The following TAL1 variants were observed in gnomAD, a reference collection of about 807,000 sequenced individuals.
TAL1 encodes TAL bHLH transcription factor 1, erythroid differentiation factor, also known as T-cell acute lymphocytic leukemia protein 1.
TAL1 carries 8 observed loss-of-function variants against 17.9 expected under a neutral mutation model. That is an observed-to-expected ratio of 0.45 (90% CI 0.26 to 0.81). The LOEUF (loss-of-function observed/expected upper bound fraction) is 0.81, where lower values mean the gene tolerates loss of function less well. TAL1 is among the 30% of genes least tolerant of loss of function. The pLI is 0.17. For synonymous variants in TAL1, 223 were observed against 218.6 expected, an observed-to-expected ratio of 1.02 and a Z score of -0.18; for missense variants, 466 against 486.9, an observed-to-expected ratio of 0.96 and a Z score of 0.40.
upstream of TAL1, among the ~76,000 whole-genome samples, chr1:47,231,422 T>G (rs1333868322): frequency 1.3e-5 from 2 of 148,622 alleles, no homozygotes; most frequent in East Asian, 4.0e-4. Context: ...TACAACTCAG[T>G]GCGGACAGGA....
At chr1:47,231,471 A>C (rs188078900), upstream of TAL1, among the ~76,000 whole-genome samples, 2 of 151,790 alleles carry the variant, frequency 1.3e-5, no homozygotes, top group Admixed American at 6.6e-5. Context: ...CAGCAAACAA[A>C]CACCACCTAG....
upstream of TAL1, chr1:47,231,204 C>A: frequency 5.5e-6 from 1 of 180,934 alleles, no homozygotes. Flanking sequence ...GGCCTCCGGG[C>A]AGAGCAGCCG....
At chr1:47,222,768 C>T (rs566304689) in intron 3 of TAL1, among the ~76,000 whole-genome samples, 3 of 152,120 alleles carry the variant, frequency 2.0e-5, no homozygotes, top group East Asian at 3.9e-4. Flanking sequence ...AGTAGGTGCT[C>T]GGTAAATATT....
chr1:47,220,065 A>T, exon 4 of TAL1: 1 of 1,613,488 alleles, frequency 6.2e-7, no homozygotes, highest in Non-Finnish European at 8.5e-7. Context: ...TGTCCGGGGG[A>T]TGTGTGGGGA....
chr1:47,230,663 T>G (rs1228458093), upstream of TAL1: 1 of 152,250 alleles, frequency 6.6e-6, no homozygotes, highest in Non-Finnish European at 1.5e-5. Context: ...AAAAACCCGC[T>G]GCTTTGTTCT....
At chr1:47,223,922 G>T (rs1643870381) in intron 3 of TAL1, 82 bp downstream of exon 4, 2 of 1,344,114 alleles carry the variant, frequency 1.5e-6, no homozygotes, top group African/African-American at 1.4e-5. Context: ...GATACCTACG[G>T]AGTAGTCCCA....
intron 1 of TAL1, chr1:47,228,234 G>A (rs887624675): frequency 1.2e-5 from 2 of 171,148 alleles, no homozygotes; most frequent in Admixed American, 6.4e-5. Context: ...AAATCCTGCC[G>A]GTTTAGGATT....
chr1:47,221,520 T>C (rs1345087201), intron 3 of TAL1, among the ~76,000 whole-genome samples: 1 of 152,220 alleles, frequency 6.6e-6, no homozygotes, highest in Non-Finnish European at 1.5e-5. Context: ...AGGGTCCTAC[T>C]AGTGCTCTTG....
intron 3 of TAL1, among the ~76,000 whole-genome samples, 173 bp from the exon 5 acceptor site, chr1:47,220,347 C>G (rs1008095186): frequency 2.0e-5 from 3 of 152,196 alleles, no homozygotes; most frequent in Non-Finnish European, 4.4e-5. Flanking sequence ...GGAACTTCCT[C>G]AACCCCTCCA....
At chr1:47,223,696 C>T (rs1643867738) in intron 3 of TAL1, 5 of 261,092 alleles carry the variant, frequency 1.9e-5, no homozygotes, top group East Asian at 7.6e-5. Context: ...GAATGGAGCC[C>T]GGACTGGGGA....
upstream of TAL1, chr1:47,231,557 G>C (rs969381317): frequency 8.5e-6 from 2 of 233,974 alleles, no homozygotes; most frequent in East Asian, 1.2e-4. Context: ...AAACGCAGCG[G>C]CTCACGGACA....
At chr1:47,227,866 C>A (rs1643935824) in intron 1 of TAL1, 1 of 152,210 alleles carries the variant, frequency 6.6e-6, no homozygotes, top group African/African-American at 2.4e-5. Context: ...AACATACAAG[C>A]TTCAAGGTAT....
chr1:47,225,384 T>C, intron 2 of TAL1, 59 bp downstream of exon 3: 3 of 1,215,176 alleles, frequency 2.5e-6, no homozygotes, highest in Non-Finnish European at 3.1e-6. Context: ...GAAACCCCGG[T>C]GGGGGTGGTC....
chr1:47,218,501 C>T (rs1019482989), exon 4 of TAL1: 13 of 232,912 alleles, frequency 5.6e-5, no homozygotes, highest in South Asian at 1.8e-4. Context: ...ACCTCCCAGA[C>T]GCACCCTTGA....
In TAL1 at chr1:47,217,457, A is replaced by C. The variant is rs576412282; in HGVS notation, c.*2263T>G. 4 of 398,310 alleles carry C rather than the reference A, an allele frequency of 1.0e-5. No homozygotes were observed. In the East Asian group the frequency reaches 1.4e-4, roughly 14 times the overall value. 24.7% of individuals were successfully genotyped at this position (398,310 alleles called of 1,614,324 possible). On this transcript the variant is annotated 3_prime_UTR_variant, in exon 4 of 4. Coordinates refer to ENST00000294339, the Ensembl canonical transcript of TAL1. ...GAGGACAATCTCAATAACTCAGGCC[A>C]AAGCGGTTTACAATCTAAATTACCC...
chr1:47,225,833 C>T, exon 2 of TAL1: 1 of 1,583,538 alleles, frequency 6.3e-7, no homozygotes, highest in South Asian at 1.1e-5. Context: ...GGCCGCGTCC[C>T]GTCCCTCTAG....
exon 2 of TAL1, chr1:47,225,627 C>A: frequency 7.2e-7 from 1 of 1,383,034 alleles, no homozygotes; most frequent in Non-Finnish European, 9.3e-7. Flanking sequence ...GTGGTGGGCA[C>A]CCGATGGCGC....
chr1:47,223,863 A>G, intron 3 of TAL1, 141 bp downstream of exon 4: 1 of 786,504 alleles, frequency 1.3e-6, no homozygotes, highest in Admixed American at 1.9e-5. Flanking sequence ...CTGCAGGGTG[A>G]AGGGCTTCGG....
exon 4 of TAL1, chr1:47,218,508 T>G (rs1645544339): frequency 4.3e-6 from 1 of 232,796 alleles, no homozygotes; most frequent in Non-Finnish European, 8.5e-6. Context: ...AGACGCACCC[T>G]TGATGACCAA....
Sources: allele counts gnomAD v4.1 joint callset (sites outside exome capture counted in the v4.1 genomes callset), GRCh38; gene constraint gnomAD v4.1.1; transcripts MANE v1.5; gene names NCBI Gene and HGNC (gene_info 2026-07-23, HGNC 2026-07-21).